CTNNA1: variants seen among roughly 807,000 people sequenced by gnomAD.
The protein encoded by CTNNA1 is catenin alpha 1, also known as catenin alpha-1.
A neutral mutation model predicts 98.4 loss-of-function variants in CTNNA1; 37 were observed. The observed-to-expected ratio is 0.38, with a 90% CI of 0.29 to 0.49. CTNNA1 has a LOEUF of 0.49. Ranked by LOEUF, CTNNA1 falls within the 20% of genes least tolerant of loss-of-function variation. The probability of loss-of-function intolerance (pLI) is 0.95; values close to 1 mark genes in which losing one functional copy is unlikely to be tolerated. For missense variants in CTNNA1, 761 were observed against 1,147.2 expected, an observed-to-expected ratio of 0.66 and a Z score of 4.86; for synonymous variants, 404 against 413.2, an observed-to-expected ratio of 0.98 and a Z score of 0.27.
At chr5:138,872,083 A>G (rs1750719754) in intron 7 of CTNNA1, 1 of 148,392 alleles carries the variant, frequency 6.7e-6, no homozygotes, top group Admixed American at 6.8e-5. Flanking sequence ...TTTAAATTGG[A>G]GGGAGCATGT....
chr5:138,862,883 C>A (rs894130660), intron 7 of CTNNA1, among the ~76,000 whole-genome samples: 1 of 152,204 alleles, frequency 6.6e-6, no homozygotes, highest in East Asian at 1.9e-4. Context: ...TGATTACATT[C>A]TCTATTTGAT....
chr5:138,843,254 G>T (rs892164736), intron 7 of CTNNA1, among the ~76,000 whole-genome samples: 1 of 152,180 alleles, frequency 6.6e-6, no homozygotes, highest in Non-Finnish European at 1.5e-5. Context: ...TTTGGTAATG[G>T]TTAAGTGAGG....
chr5:138,838,831 G>A (rs4835707), intron 7 of CTNNA1, among the ~76,000 whole-genome samples: 105,098 of 151,954 alleles, frequency 0.69, 36,487 homozygotes, highest in East Asian at 0.93. Context: ...GGGTCTCATC[G>A]TGTTACCCAG....
intron 3 of CTNNA1, among the ~76,000 whole-genome samples, chr5:138,789,051 T>A (rs371434497): frequency 6.6e-6 from 1 of 152,168 alleles, no homozygotes; most frequent in African/African-American, 2.4e-5. Context: ...AGATTATTCG[T>A]GCACTGAGCA....
chr5:138,923,585 C>T (rs954819106), intron 11 of CTNNA1, among the ~76,000 whole-genome samples: 9 of 152,194 alleles, frequency 5.9e-5, no homozygotes, highest in Non-Finnish European at 7.4e-5. Flanking sequence ...AATGCAGTGG[C>T]GCGATCTTGG....
chr5:138,812,042 A>G, intron 4 of CTNNA1, 141 bp from the exon 5 acceptor site: 2 of 658,738 alleles, frequency 3.0e-6, no homozygotes. Context: ...TAAATGTTAG[A>G]AGACCATGCG....
intron 7 of CTNNA1, among the ~76,000 whole-genome samples, chr5:138,878,566 A>G (rs1752172308): frequency 6.6e-6 from 1 of 152,182 alleles, no homozygotes; most frequent in Non-Finnish European, 1.5e-5. Flanking sequence ...CCTCTCTGTA[A>G]ATGGTTTTAA....
chr5:138,815,221 G>T (rs1759311758), intron 5 of CTNNA1, among the ~76,000 whole-genome samples: 1 of 150,390 alleles, frequency 6.6e-6, no homozygotes, highest in African/African-American at 2.5e-5. Context: ...TTTTTCATGT[G>T]TTTTTTTTTG....
intron 9 of CTNNA1, among the ~76,000 whole-genome samples, chr5:138,888,737 T>A (rs1337777713): frequency 6.6e-6 from 1 of 151,658 alleles, no homozygotes; most frequent in Non-Finnish European, 1.5e-5. Context: ...TTTTTTTTTT[T>A]AGTAGAGACG....
chr5:138,899,433 T>G (rs1757558202), intron 9 of CTNNA1, among the ~76,000 whole-genome samples: 1 of 152,256 alleles, frequency 6.6e-6, no homozygotes. Context: ...TGCCAGCTTT[T>G]GATTAGAATT....
chr5:138,815,208 A>G (rs1759308924), intron 5 of CTNNA1, among the ~76,000 whole-genome samples: 1 of 151,728 alleles, frequency 6.6e-6, no homozygotes, highest in South Asian at 2.1e-4. Context: ...TCCCTTATGT[A>G]TTTTTTTCAT....
At chr5:138,881,816 T>C (rs1297188966) in intron 7 of CTNNA1, among the ~76,000 whole-genome samples, 1 of 152,222 alleles carries the variant, frequency 6.6e-6, no homozygotes, top group Non-Finnish European at 1.5e-5. Context: ...TCTAACTAGA[T>C]CTTCCTGTTA....
intron 13 of CTNNA1, among the ~76,000 whole-genome samples, chr5:138,926,592 G>C (rs534857022): frequency 6.6e-6 from 1 of 152,052 alleles, no homozygotes; most frequent in South Asian, 2.1e-4. Flanking sequence ...CTTCCTCCTA[G>C]CACCATGGGC....
At chr5:138,765,688 T>C (rs1269440916) in intron 1 of CTNNA1, among the ~76,000 whole-genome samples, 2 of 151,846 alleles carry the variant, frequency 1.3e-5, no homozygotes, top group East Asian at 3.9e-4. Flanking sequence ...AGGTGGCTCA[T>C]GCCTGTAATC....
intron 1 of CTNNA1, among the ~76,000 whole-genome samples, chr5:138,770,874 C>G (rs1490408602): frequency 1.3e-5 from 2 of 151,798 alleles, no homozygotes; most frequent in African/African-American, 4.8e-5. Context: ...ATGGCGTGAA[C>G]CCGGGAGGCA....
intron 10 of CTNNA1, among the ~76,000 whole-genome samples, chr5:138,916,448 G>A (rs1256175512): frequency 1.4e-5 from 2 of 147,822 alleles, no homozygotes; most frequent in Non-Finnish European, 3.0e-5. Flanking sequence ...GGCTGGTCTC[G>A]AACTCCTGGG....
At position 138,873,082 on chromosome 5, in the gene CTNNA1, T is replaced by G. The variant is rs1581378621; in HGVS notation, c.1063-13130T>G. The G allele has an allele frequency of 6.2e-7, 1 of 1,613,748 alleles. No homozygotes were observed. On this transcript the variant is annotated intron_variant, in intron 7 of 17. Transcript: ENST00000302763. This position sits in a 1 kb window ranked among gnomAD's most constrained non-coding sequence, Gnocchi z 6.1. ...CATAACCATTAATGATGATGAAGGG[T>G]CCTTCATGGGTGGGTTCATATTCAT...
At chr5:138,904,304 A>G (rs769606937) in intron 9 of CTNNA1, 45 bp from the exon 10 acceptor site, 3 of 1,578,808 alleles carry the variant, frequency 1.9e-6, no homozygotes, top group South Asian at 2.3e-5. Context: ...TTTCCTTAGC[A>G]GTCAAAAGAG....
chr5:138,827,965 C>A (rs1760886343), intron 7 of CTNNA1: 2 of 494,606 alleles, frequency 4.0e-6, no homozygotes, highest in Admixed American at 3.3e-5. Context: ...TATCTGTATT[C>A]ATCAATTAAC....
Sources: allele counts gnomAD v4.1 joint callset (sites outside exome capture counted in the v4.1 genomes callset), GRCh38; gene constraint gnomAD v4.1.1; non-coding constraint Gnocchi (gnomAD v3.1); transcripts MANE v1.5; gene names NCBI Gene and HGNC (gene_info 2026-07-23, HGNC 2026-07-21).